The following KIF1B variants were observed in gnomAD, a reference collection of about 807,000 sequenced individuals.
KIF1B encodes kinesin family member 1B, also known as kinesin-like protein KIF1B.
A neutral mutation model predicts 241.9 loss-of-function variants in KIF1B; 76 were observed. The ratio of observed to expected loss-of-function variants is 0.31; its 90% CI spans 0.26 to 0.38. KIF1B has a LOEUF of 0.38. Ranked by LOEUF, KIF1B falls within the 10% of genes least tolerant of loss-of-function variation. The probability of loss-of-function intolerance (pLI) is 1.00; values close to 1 mark genes in which losing one functional copy is unlikely to be tolerated. For missense variants in KIF1B, 1,622 were observed against 2,271.4 expected, an observed-to-expected ratio of 0.71 and a Z score of 5.81; for synonymous variants, 750 against 796.7, an observed-to-expected ratio of 0.94 and a Z score of 0.99.
rs762017366 is a variant in KIF1B, at chr1:10,364,227, CAG to C, written c.4367-870_4367-869del. Among the ~76,000 whole-genome samples the C allele has an allele frequency of 1.2e-3, 135 of 113,962 alleles. 1 individual carries two copies. The highest frequency in any genetic ancestry group is 1.9e-3 in the Admixed American group (17 of 8,928). 74.8% of individuals were successfully genotyped at this position (113,962 alleles called of 152,430 possible). On this transcript the variant is annotated intron_variant, in intron 41 of 48. Coordinates refer to ENST00000676179, the MANE Select transcript of KIF1B (RefSeq NM_001365951.3). ...TTTTTTTTTTTTTTTTTTTTTGAGACAGAGTCTCGCTGTGTCACCCAGGCTGG... is the reference window on the plus strand; with the variant it reads ...TTTTTTTTTTTTTTTTTTTTTGAGACAGTCTCGCTGTGTCACCCAGGCTGG...
chr1:10,244,463 C>G (rs1376500864), intron 2 of KIF1B, among the ~76,000 whole-genome samples: 1 of 151,664 alleles, frequency 6.6e-6, no homozygotes, highest in Non-Finnish European at 1.5e-5. Context: ...TACAGGCATG[C>G]ACTACTACGC....
At chr1:10,359,385 T>TGTC (rs1638349286) in intron 38 of KIF1B, among the ~76,000 whole-genome samples, 1 of 152,160 alleles carries the variant, frequency 6.6e-6, no homozygotes. Context: ...CCCCTCCACT[T>TGTC]GTCATAGGGG....
chr1:10,380,700 C>T lies in KIF1B; in HGVS notation c.*4113C>T, dbSNP rs192312673. 2.1e-3 allele frequency: 427 copies of T among 203,952 alleles called. 2 individuals carry two copies. The highest frequency in any genetic ancestry group is 9.2e-3 in the African/African-American group (400 of 43,626). The allele number at this position is 203,952 out of a possible 1,614,324, so 12.6% of individuals were successfully genotyped here. A position where few individuals can be genotyped will look rare whatever the true frequency, so the allele number is the denominator to read the frequency against. On this transcript the variant is annotated 3_prime_UTR_variant, in exon 49 of 49. Transcript: ENST00000676179. ...CAGCCTGGGTGACAAAGCAGGACTCCGTCTCAAAAAAAAAGAAAAGATTCA... is the reference window on the plus strand; with the variant it reads ...CAGCCTGGGTGACAAAGCAGGACTCTGTCTCAAAAAAAAAGAAAAGATTCA...
At chr1:10,277,917 A>G in intron 12 of KIF1B, 69 bp from the exon 13 acceptor site, 1 of 1,339,600 alleles carries the variant, frequency 7.5e-7, no homozygotes, top group Non-Finnish European at 1.1e-6. Context: ...TTTAGAGATA[A>G]TAGTATGTTA....
chr1:10,347,732 G>A, intron 35 of KIF1B, 29 bp from the exon 36 acceptor site: 1 of 1,601,842 alleles, frequency 6.2e-7, no homozygotes, highest in Non-Finnish European at 8.5e-7. Context: ...GTAGCACTTA[G>A]TTTTTTCTTT....
Position 10,380,927 on chromosome 1 carries a change from G to A in KIF1B, c.*4340G>A, listed in dbSNP as rs1203787689. ...ATTATTTGCTGCTGTTATTCAAAAG[G>A]CCATTTATGAAGTTAGTATTTGAGC... On this transcript the variant is annotated 3_prime_UTR_variant, in exon 49 of 49. Transcript: ENST00000676179. 4.6e-6 allele frequency: 1 copy of A among 219,188 alleles called. No individual in the cohort carries two copies. The allele number at this position is 219,188 out of a possible 1,614,324, so 13.6% of individuals were successfully genotyped here.
At chr1:10,351,050 T>G (rs916888476) in intron 37 of KIF1B, among the ~76,000 whole-genome samples, 3 of 134,206 alleles carry the variant, frequency 2.2e-5, no homozygotes, top group African/African-American at 8.8e-5. Flanking sequence ...ATCATGCCAC[T>G]GCATGACAGA....
chr1:10,343,128 C>T, intron 33 of KIF1B, 104 bp from the exon 34 acceptor site: 1 of 1,195,842 alleles, frequency 8.4e-7, no homozygotes, highest in Non-Finnish European at 1.2e-6. Flanking sequence ...ACTTGTGAAA[C>T]CCCTAAAGAG....
At chr1:10,295,608 T>C (rs946922958) in intron 18 of KIF1B, 52 bp from the exon 19 acceptor site, 1 of 1,483,228 alleles carries the variant, frequency 6.7e-7, no homozygotes, top group African/African-American at 1.4e-5. Context: ...TCATTGTTTG[T>C]AGTGCTTTCT....
At chr1:10,215,140 A>T (rs1264747831) in intron 1 of KIF1B, among the ~76,000 whole-genome samples, 11 of 34,626 alleles carry the variant, frequency 3.2e-4, no homozygotes, top group Non-Finnish European at 4.4e-4. Flanking sequence ...TATATATTTT[A>T]TATATATATA....
At chr1:10,259,585 C>T (rs1307210453) in intron 4 of KIF1B, among the ~76,000 whole-genome samples, 1 of 151,780 alleles carries the variant, frequency 6.6e-6, no homozygotes, top group African/African-American at 2.4e-5. Flanking sequence ...TCACTGCAAC[C>T]TCCGCCTCCT....
chr1:10,281,582 T>G (rs1403868863), intron 14 of KIF1B, among the ~76,000 whole-genome samples: 2 of 152,188 alleles, frequency 1.3e-5, no homozygotes, highest in Non-Finnish European at 2.9e-5. Context: ...CAGCCTTATT[T>G]TTTGCTTGCT....
Position 10,303,932 on chromosome 1 carries a change from G to A in KIF1B, c.2115+6686G>A, listed in dbSNP as rs780114223. 3.1e-6 allele frequency: 5 copies of A among 1,614,060 alleles called. No individual in the cohort carries two copies. Among genetic ancestry groups the A allele is most frequent in the Admixed American group, 1.7e-5 (1 of 60,004 alleles). ...ATGAATGGGGATCCAGCTTTTAGAC[G>A]TGGACGTCTGCGCTGGATGAGGCAA... On this transcript the variant is annotated intron_variant, in intron 22 of 48. Coordinates refer to ENST00000676179, the MANE Select transcript of KIF1B (RefSeq NM_001365951.3). This position sits in a 1 kb window ranked among gnomAD's most constrained non-coding sequence, Gnocchi z 5.2.
At position 10,247,045 on chromosome 1, in the gene KIF1B, A is replaced by C. The variant is rs527264765; in HGVS notation, c.107-9202A>C. Reference sequence around the variant, plus strand: ...ACACCCAGCTAATTTTTGTATTTTTAGTAGAGACAGGGTTTTGCCATGTTG... The same window carrying C: ...ACACCCAGCTAATTTTTGTATTTTTCGTAGAGACAGGGTTTTGCCATGTTG... On this transcript the variant is annotated intron_variant, in intron 2 of 48. Coordinates refer to ENST00000676179, the MANE Select transcript of KIF1B (RefSeq NM_001365951.3). Among the ~76,000 whole-genome samples, 3 of 152,218 alleles carry C rather than the reference A, an allele frequency of 2.0e-5. No homozygotes were observed. The South Asian group carries it at 6.2e-4, about 32-fold the overall frequency.
At chr1:10,293,246 T>G (rs1403897788) in intron 17 of KIF1B, among the ~76,000 whole-genome samples, 1 of 152,172 alleles carries the variant, frequency 6.6e-6, no homozygotes, top group Non-Finnish European at 1.5e-5. Flanking sequence ...TAGTTTTTCC[T>G]TCAGTAAGAC....
intron 1 of KIF1B, among the ~76,000 whole-genome samples, chr1:10,213,229 C>A (rs1646721076): frequency 6.6e-6 from 1 of 151,924 alleles, no homozygotes; most frequent in African/African-American, 2.4e-5. Context: ...TAAAATCAGA[C>A]CTGATTGTGA....
Position 10,292,056 on chromosome 1 carries a change from G to A in KIF1B, c.1524G>A (p.Leu508=), listed in dbSNP as rs200986903. The A allele has an allele frequency of 5.6e-6, 9 of 1,613,924 alleles. No homozygotes were observed. Among genetic ancestry groups the A allele is most frequent in the Non-Finnish European group, 7.6e-6 (9 of 1,179,928 alleles). Residue 508 remains leucine, a synonymous_variant, in exon 17 of 49, where the codon TTG becomes TTA. Transcript: ENST00000676179. ...TEAIRMEREA[L]LAEMGVAIRE... ...CCTGTTTTTTTCCTAGAGAGGCTTT[G>A]TTGGCTGAGATGGGAGTTGCCATTC...
intron 2 of KIF1B, among the ~76,000 whole-genome samples, chr1:10,244,063 A>G (rs541064944): frequency 6.6e-6 from 1 of 152,300 alleles, no homozygotes; most frequent in African/African-American, 2.4e-5. Context: ...TCTGGGATCA[A>G]GTATACAGTG....
At chr1:10,362,445 C>T (rs1638448051) in intron 40 of KIF1B, among the ~76,000 whole-genome samples, 1 of 148,770 alleles carries the variant, frequency 6.7e-6, no homozygotes, top group South Asian at 2.1e-4. Context: ...CACTGCACTC[C>T]AGCCTGGGTG....
Sources: gnomAD v4.1 joint callset for allele counts (sites outside exome capture counted in the v4.1 genomes callset) on GRCh38, gnomAD v4.1.1 for gene constraint, Gnocchi (gnomAD v3.1) non-coding constraint, MANE v1.5 for transcripts, NCBI Gene and HGNC (gene_info 2026-07-23, HGNC 2026-07-21) for gene names.